Variants in PDE10A observed in about 807,000 individuals in gnomAD.
The protein encoded by PDE10A is phosphodiesterase 10A.
A neutral mutation model predicts 97.7 loss-of-function variants in PDE10A; 39 were observed. The ratio of observed to expected loss-of-function variants is 0.40; its 90% confidence interval spans 0.31 to 0.52. PDE10A has a LOEUF of 0.52. Among genes scored for constraint, PDE10A ranks in the 20% least tolerant of loss-of-function variants. The probability of loss-of-function intolerance (pLI) is 0.56; values close to 1 mark genes in which losing one functional copy is unlikely to be tolerated. For missense variants in PDE10A, 731 were observed against 1,047.8 expected, an observed-to-expected ratio of 0.70 and a Z score of 4.17; for synonymous variants, 371 against 376.8, an observed-to-expected ratio of 0.98 and a Z score of 0.18.
intron 1 of PDE10A, among the ~76,000 whole-genome samples, chr6:165,650,320 C>T (rs970488149): frequency 6.6e-6 from 1 of 152,132 alleles, no homozygotes; most frequent in Non-Finnish European, 1.5e-5. Flanking sequence ...CGGGGTAACA[C>T]TGAAAAGTCT....
intron 1 of PDE10A, among the ~76,000 whole-genome samples, chr6:165,892,462 C>T (rs1781831148): frequency 1.3e-5 from 2 of 152,264 alleles, no homozygotes; most frequent in South Asian, 4.1e-4. Context: ...AATGCCGAGC[C>T]TGGCCACCAT....
chr6:165,352,871 C>T (rs1782785540), intron 18 of PDE10A, among the ~76,000 whole-genome samples: 1 of 151,752 alleles, frequency 6.6e-6, no homozygotes, highest in South Asian at 2.1e-4. Context: ...AAATGTATGC[C>T]CTGCAAAAGA....
At chr6:165,470,406 G>A (rs1778920672) in intron 3 of PDE10A, among the ~76,000 whole-genome samples, 1 of 152,164 alleles carries the variant, frequency 6.6e-6, no homozygotes, top group South Asian at 2.1e-4. Flanking sequence ...GAAAATTGCT[G>A]TAAATCAGAT....
At chr6:165,766,468 C>T (rs546097385) in intron 1 of PDE10A, among the ~76,000 whole-genome samples, 2 of 152,306 alleles carry the variant, frequency 1.3e-5, no homozygotes, top group East Asian at 3.9e-4. Context: ...TAATTGAAAA[C>T]CTCCATACAA....
chr6:165,471,558 C>T (rs1779007983), intron 3 of PDE10A, among the ~76,000 whole-genome samples: 1 of 152,128 alleles, frequency 6.6e-6, no homozygotes, highest in Non-Finnish European at 1.5e-5. Context: ...GAACCACCCC[C>T]TGAACACACA....
intron 1 of PDE10A, among the ~76,000 whole-genome samples, chr6:165,911,631 C>A (rs1782455905): frequency 6.6e-6 from 1 of 152,222 alleles, no homozygotes; most frequent in Admixed American, 6.5e-5. Context: ...TGAGGCTTTG[C>A]CCCACTTCCA....
Position 165,392,021 on chromosome 6 carries a change from G to A in PDE10A, c.2454+625C>T, listed in dbSNP as rs772796083. Among the ~76,000 whole-genome samples, 6 of 152,142 alleles carry A rather than the reference G, an allele frequency of 3.9e-5. No individual in the cohort carries two copies. The South Asian group carries it at 6.2e-4, about 16-fold the overall frequency. On this transcript the variant is annotated intron_variant, in intron 16 of 21. Transcript: ENST00000539869. ...AGAGGGAGGGATATCCTTCAAAGTC[G>A]GGATTGTCCAGATGTAGAATCAGCA...
At chr6:165,831,459 T>G (rs1779912189) in intron 1 of PDE10A, among the ~76,000 whole-genome samples, 1 of 145,674 alleles carries the variant, frequency 6.9e-6, no homozygotes, top group Non-Finnish European at 1.5e-5. Flanking sequence ...CTTTCTGTAT[T>G]CTGAAAAATT....
At chr6:165,786,100 A>G (rs1778484276) in intron 1 of PDE10A, among the ~76,000 whole-genome samples, 1 of 152,232 alleles carries the variant, frequency 6.6e-6, no homozygotes, top group South Asian at 2.1e-4. Context: ...CGTTTTAGCT[A>G]CGTAATCGAT....
chr6:165,347,881 CATTTGTTG>C lies in PDE10A; in HGVS notation c.2784-4387_2784-4380del, dbSNP rs537899084. Among the ~76,000 whole-genome samples, 229 of 152,312 alleles carry C rather than the reference CATTTGTTG, an allele frequency of 1.5e-3. 1 individual carries two copies. Among genetic ancestry groups the C allele is most frequent in the African/African-American group, 5.1e-3 (213 of 41,560 alleles). The stretch of plus-strand genomic sequence containing the variant: ...AAACAGGTAACACATCACATAGACA[CATTTGTTG>C]TTCTTCAAAGCACACAGCAATAGCT... On this transcript the variant is annotated intron_variant, in intron 18 of 21. Transcript: ENST00000539869.
At chr6:165,520,419 G>T (rs1291440690) in intron 2 of PDE10A, among the ~76,000 whole-genome samples, 1 of 152,124 alleles carries the variant, frequency 6.6e-6, no homozygotes, top group Non-Finnish European at 1.5e-5. Context: ...TATAACATCT[G>T]AGGAGGAGAC....
In PDE10A at chr6:165,906,076, TCCTCCCTCCCTC is replaced by T. The variant is rs1183139731; in HGVS notation, c.-615+81441_-615+81452del. ...TCCCTCCCTCCCTCCGTCCCTTCCT[TCCTCCCTCCCTC>T]CCTTCCTTTCTTCCTTTCTTCCTTC... On this transcript the variant is annotated intron_variant, in intron 1 of 19. Transcript: ENST00000366882. Among the ~76,000 whole-genome samples the T allele has an allele frequency of 1.6e-3, 34 of 20,682 alleles. 1 individual carries two copies. The highest frequency in any genetic ancestry group is 4.0e-3 in the Admixed American group (6 of 1,496). 13.6% of individuals were successfully genotyped at this position (20,682 alleles called of 152,430 possible).
intron 1 of PDE10A, among the ~76,000 whole-genome samples, chr6:165,620,765 G>GTGCAGGGGCTCACGCCTA (rs1279640718): frequency 2.0e-5 from 2 of 101,858 alleles, no homozygotes; most frequent in African/African-American, 1.4e-4. Context: ...AGAAGGCTGG[G>GTGCAGGGGCTCACGCCTA]TAATCCCAAC....
At chr6:165,853,734 A>G (rs902988156) in intron 1 of PDE10A, among the ~76,000 whole-genome samples, 70 of 152,334 alleles carry the variant, frequency 4.6e-4, no homozygotes, top group African/African-American at 1.5e-3. Flanking sequence ...ATTTTAGCAG[A>G]AAAAAACAAT....
chr6:165,791,617 C>T (rs1252843398), intron 1 of PDE10A, among the ~76,000 whole-genome samples: 6 of 152,180 alleles, frequency 3.9e-5, no homozygotes, highest in African/African-American at 1.4e-4. Flanking sequence ...AAGCTGCCCC[C>T]TGGCTTAGGA....
chr6:165,426,491 G>A (rs1003782209), intron 10 of PDE10A, among the ~76,000 whole-genome samples: 1 of 152,008 alleles, frequency 6.6e-6, no homozygotes, highest in Non-Finnish European at 1.5e-5. Context: ...ACAGATCAAA[G>A]ACCTAAATAT....
chr6:165,767,575 C>G (rs1162725436), intron 1 of PDE10A, among the ~76,000 whole-genome samples: 1 of 152,200 alleles, frequency 6.6e-6, no homozygotes, highest in Non-Finnish European at 1.5e-5. Flanking sequence ...TCTCTCTTAG[C>G]ATAATGTTCT....
chr6:165,832,600 G>A (rs1041906561), intron 1 of PDE10A, among the ~76,000 whole-genome samples: 4 of 152,132 alleles, frequency 2.6e-5, no homozygotes, highest in African/African-American at 9.7e-5. Context: ...TGCCTTCTCC[G>A]TGGCCCTAAA....
At chr6:165,779,499 T>C (rs1056364649) in intron 1 of PDE10A, among the ~76,000 whole-genome samples, 1 of 152,238 alleles carries the variant, frequency 6.6e-6, no homozygotes, top group Non-Finnish European at 1.5e-5. Context: ...CCATTTGTCA[T>C]TGCCAAGCGG....
Sources: allele counts gnomAD v4.1 joint callset (sites outside exome capture counted in the v4.1 genomes callset), GRCh38; gene constraint gnomAD v4.1.1; transcripts MANE v1.5; gene names NCBI Gene and HGNC (gene_info 2026-07-23, HGNC 2026-07-21).